CNTN5: variants seen among roughly 807,000 people sequenced by gnomAD.
CNTN5 encodes contactin 5.
In CNTN5, 77 loss-of-function variants were observed where a neutral mutation model predicts 129.1. The ratio of observed to expected loss-of-function variants is 0.60; its 90% CI spans 0.50 to 0.72. The LOEUF (loss-of-function observed/expected upper bound fraction) is 0.72, where lower values mean the gene tolerates loss of function less well. Ranked by LOEUF, CNTN5 falls within the 30% of genes least tolerant of loss-of-function variation. The probability of loss-of-function intolerance (pLI) is 0.00; values close to 1 mark genes in which losing one functional copy is unlikely to be tolerated. For missense variants in CNTN5, 1,478 were observed against 1,328.8 expected (o/e 1.11, Z -1.75); for synonymous variants, 509 against 465.6 (o/e 1.09, Z -1.20).
chr11:99,692,800 A>G (rs2134798092), intron 3 of CNTN5, among the ~76,000 whole-genome samples: 1 of 152,288 alleles, frequency 6.6e-6, no homozygotes, highest in East Asian at 1.9e-4. Flanking sequence ...ATCTGATATG[A>G]CACCAATTTT....
chr11:100,148,263 G>A (rs894872639), intron 13 of CNTN5, among the ~76,000 whole-genome samples: 1 of 152,052 alleles, frequency 6.6e-6, no homozygotes, highest in Admixed American at 6.6e-5. Context: ...TGTACATATT[G>A]TCATTTAATA....
intron 4 of CNTN5, among the ~76,000 whole-genome samples, chr11:99,828,622 A>T (rs1183707423): frequency 6.6e-6 from 1 of 152,230 alleles, no homozygotes; most frequent in African/African-American, 2.4e-5. Context: ...ATAGAAAGTT[A>T]ATTATCAATG....
chr11:100,301,737 T>C (rs1269717121), intron 20 of CNTN5, among the ~76,000 whole-genome samples: 1 of 151,652 alleles, frequency 6.6e-6, no homozygotes, highest in Non-Finnish European at 1.5e-5. Context: ...CTGATCACAC[T>C]AACTAGACCA....
At chr11:99,833,746 T>C (rs1947218568) in intron 4 of CNTN5, among the ~76,000 whole-genome samples, 2 of 152,162 alleles carry the variant, frequency 1.3e-5, no homozygotes, top group Admixed American at 6.5e-5. Flanking sequence ...TAATTTATAA[T>C]AGAACTTGAT....
At chr11:99,577,828 T>TATC (rs1949410336) in intron 3 of CNTN5, among the ~76,000 whole-genome samples, 3 of 151,096 alleles carry the variant, frequency 2.0e-5, no homozygotes, top group Admixed American at 2.0e-4. Flanking sequence ...TTTCTTTTAT[T>TATC]ATTATTATTA....
intron 1 of CNTN5, among the ~76,000 whole-genome samples, chr11:99,107,450 T>TTAAG (rs1171679194): frequency 6.6e-6 from 1 of 152,186 alleles, no homozygotes; most frequent in Non-Finnish European, 1.5e-5. Context: ...TTACATTACA[T>TTAAG]ATTTTAGTTT....
chr11:99,403,712 G>A (rs1298038490), intron 2 of CNTN5, among the ~76,000 whole-genome samples: 1 of 152,104 alleles, frequency 6.6e-6, no homozygotes, highest in Non-Finnish European at 1.5e-5. Context: ...ATAGTAGTTA[G>A]AGAAGATCCT....
chr11:99,634,995 A>G (rs1338243911), intron 3 of CNTN5, among the ~76,000 whole-genome samples: 1 of 152,210 alleles, frequency 6.6e-6, no homozygotes, highest in Non-Finnish European at 1.5e-5. Flanking sequence ...GACAAAATAT[A>G]TACTAATATC....
At chr11:99,105,272 A>G (rs1866941541) in intron 1 of CNTN5, among the ~76,000 whole-genome samples, 1 of 151,954 alleles carries the variant, frequency 6.6e-6, no homozygotes, top group Non-Finnish European at 1.5e-5. Context: ...ATCACGCTAT[A>G]GTAACCAAAA....
chr11:100,138,103 C>T (rs2138240754), intron 13 of CNTN5, among the ~76,000 whole-genome samples: 1 of 151,960 alleles, frequency 6.6e-6, no homozygotes. Context: ...GGTTAGGGTG[C>T]CACTCATTAA....
intron 8 of CNTN5, among the ~76,000 whole-genome samples, chr11:99,997,336 T>A (rs528732631): frequency 4.3e-4 from 65 of 152,306 alleles, no homozygotes; most frequent in African/African-American, 1.5e-3. Context: ...TGTTAGGGTG[T>A]CAATTTTGGA....
intron 13 of CNTN5, among the ~76,000 whole-genome samples, chr11:100,131,292 G>T (rs2138209171): frequency 6.6e-6 from 1 of 152,126 alleles, no homozygotes; most frequent in Admixed American, 6.6e-5. Flanking sequence ...AGGAAAGAAG[G>T]ATTTCAGGTA....
intron 8 of CNTN5, among the ~76,000 whole-genome samples, chr11:99,977,384 G>A (rs1343268961): frequency 6.6e-6 from 1 of 152,102 alleles, no homozygotes; most frequent in African/African-American, 2.4e-5. Flanking sequence ...CACGTTTTCA[G>A]GTGTCTTTAC....
chr11:99,770,051 G>T (rs940752159), intron 3 of CNTN5, among the ~76,000 whole-genome samples: 4 of 152,072 alleles, frequency 2.6e-5, no homozygotes, highest in Non-Finnish European at 4.4e-5. Context: ...AAAGTTCAAG[G>T]ATTTTTTGTT....
chr11:99,714,736 C>T (rs1170941505), intron 3 of CNTN5, among the ~76,000 whole-genome samples: 1 of 151,716 alleles, frequency 6.6e-6, no homozygotes, highest in East Asian at 1.9e-4. Context: ...TTACAAATCC[C>T]ATGTTCACCA....
At chr11:100,080,206 A>G (rs968595899) in intron 13 of CNTN5, among the ~76,000 whole-genome samples, 6 of 152,168 alleles carry the variant, frequency 3.9e-5, no homozygotes, top group Non-Finnish European at 5.9e-5. Context: ...GGTAACAGTT[A>G]TGAAGATAAT....
chr11:99,973,240 A>G (rs919964462), intron 8 of CNTN5, among the ~76,000 whole-genome samples: 1 of 152,138 alleles, frequency 6.6e-6, no homozygotes, highest in African/African-American at 2.4e-5. Context: ...TTTTATCTCA[A>G]TTAGTAACTG....
rs1184756290 is a variant in CNTN5 at position 100,102,314 on chromosome 11, T to C, written c.1580+28020T>C. Among the ~76,000 whole-genome samples the C allele has an allele frequency of 2.0e-5, 3 of 152,056 alleles. No homozygotes were observed. In the East Asian group the frequency reaches 5.8e-4, roughly 29 times the overall value. On this transcript the variant is annotated intron_variant, in intron 13 of 24. Coordinates refer to ENST00000524871, the MANE Select transcript of CNTN5 (RefSeq NM_014361.4). ...GTTTTAATTTACATTTCCCTGATAA[T>C]TGTGATGTTGAACATTTTTAAAAAT...
intron 3 of CNTN5, among the ~76,000 whole-genome samples, chr11:99,745,431 T>C (rs1944022319): frequency 6.6e-6 from 1 of 152,204 alleles, no homozygotes; most frequent in African/African-American, 2.4e-5. Flanking sequence ...ATTGGTTTTA[T>C]AAGTTAAAAC....
Sources: allele counts gnomAD v4.1 joint callset (sites outside exome capture counted in the v4.1 genomes callset), GRCh38; gene constraint gnomAD v4.1.1; transcripts MANE v1.5; gene names NCBI Gene and HGNC (gene_info 2026-07-23, HGNC 2026-07-21).